The following HCN2 variants were observed in gnomAD, a reference collection of about 807,000 sequenced individuals.
HCN2 encodes the protein potassium/sodium hyperpolarization-activated cyclic nucleotide-gated channel 2.
Under a neutral mutation model 52.3 loss-of-function variants are expected in HCN2, and 20 were observed. That is an observed-to-expected ratio of 0.38 (90% confidence interval 0.27 to 0.56). The LOEUF is 0.56. Ranked by LOEUF, HCN2 falls within the 20% of genes least tolerant of loss-of-function variation. HCN2 has a pLI of 0.71. For missense variants in HCN2, 981 were observed against 1,207.7 expected (o/e 0.81, Z 2.78); for synonymous variants, 694 against 537.0 (o/e 1.29, Z -4.04).
chr19:607,817 G>A, intron 3 of HCN2, 147 bp from the exon 4 acceptor site: 1 of 624,046 alleles, frequency 1.6e-6, no homozygotes, highest in Non-Finnish European at 2.9e-6. Flanking sequence ...TCATCTACCT[G>A]GGTCTCCATT....
chr19:610,479 C>A, intron 5 of HCN2, 74 bp downstream of exon 5: 1 of 1,403,126 alleles, frequency 7.1e-7, no homozygotes, highest in Non-Finnish European at 1.0e-6. Flanking sequence ...AGCCCAGGAG[C>A]CGGTCCCTGA....
chr19:605,257 C>A (rs1983382718), intron 3 of HCN2, 35 bp downstream of exon 3: 4 of 1,599,780 alleles, frequency 2.5e-6, no homozygotes, highest in Non-Finnish European at 3.4e-6. Context: ...GGGGGAGACG[C>A]AGGCTCCCAT....
intron 1 of HCN2, among the ~76,000 whole-genome samples, chr19:600,050 C>T (rs181204285): frequency 1.5e-4 from 23 of 152,254 alleles, no homozygotes; most frequent in African/African-American, 5.3e-4. Context: ...AATCTTTGTG[C>T]TGGAAATTCA....
chr19:616,392 G>T lies in HCN2; in HGVS notation c.2588G>T (p.Arg863Leu). The change falls in exon 8 of 8, where the codon CGC (arginine) becomes CTC (leucine). Residue 863 changes from arginine to leucine, a missense_variant. Arg to Leu is a moderately radical substitution (Grantham distance 102). Transcript: ENST00000251287. ...AARAAAPSPD[R>L]RDSASPGAAG... ...CGGGCCGCCGCGCCCAGCCCGGACC[G>T]CAGGGACTCGGCCTCACCCGGCGCC... The T allele has an allele frequency of 8.1e-7, 1 of 1,238,758 alleles. No homozygotes were observed. The allele number at this position is 1,238,758 out of a possible 1,614,324, so 76.7% of individuals were successfully genotyped here.
rs1983297263 is a variant in HCN2 at position 603,729 on chromosome 19, C to T, written c.818C>T (p.Thr273Met). The change falls in exon 2 of 8, where the codon ACG becomes ATG. Residue 273 changes from threonine to methionine, a missense_variant. Coordinates refer to ENST00000251287, the MANE Select transcript of HCN2 (RefSeq NM_001194.4). ...ACCGGCATTGTGATCGAGGACAACA[C>T]GGAGATCATCCTGGACCCCGAGAAG... ...FRTGIVIEDN[T>M]EIILDPEKIK... The T allele has an allele frequency of 5.0e-6, 8 of 1,612,908 alleles. No homozygotes were observed. Among genetic ancestry groups the T allele is most frequent in the South Asian group, 3.3e-5 (3 of 91,066 alleles).
chr19:590,425 C>G lies in HCN2; in HGVS notation c.480C>G (p.Ala160=). ...GPAGEPRGSQ[A]SFMQRQFGAL... is the part of the protein sequence containing the mutation. ...CGGGGGAGCCGCGCGGCAGCCAGGC[C>G]AGCTTCATGCAGCGCCAGTTCGGCG... is the stretch of plus-strand genomic sequence containing the variant. The change falls in exon 1 of 8, where the codon GCC becomes GCG. Residue 160 remains alanine, a synonymous_variant. Coordinates refer to ENST00000251287, the MANE Select transcript of HCN2 (RefSeq NM_001194.4). This position sits in a 1 kb window ranked among gnomAD's most constrained non-coding sequence, Gnocchi z 7.2. The G allele has an allele frequency of 2.0e-6, 3 of 1,473,126 alleles. No individual in the cohort carries two copies. Among genetic ancestry groups the G allele is most frequent in the South Asian group, 1.3e-5 (1 of 76,914 alleles). 91.3% of individuals were successfully genotyped at this position (1,473,126 alleles called of 1,614,324 possible).
chr19:593,887 T>G, intron 1 of HCN2, among the ~76,000 whole-genome samples: 1 of 152,250 alleles, frequency 6.6e-6, no homozygotes, highest in South Asian at 2.1e-4. Flanking sequence ...TTTGGCCTTA[T>G]GCAACCCCCA....
intron 1 of HCN2, among the ~76,000 whole-genome samples, chr19:599,113 G>T (rs1014489014): frequency 3.3e-5 from 5 of 152,398 alleles, no homozygotes; most frequent in Non-Finnish European, 5.9e-5. Flanking sequence ...GATGTGAGTC[G>T]CTGGGTCCCT....
At chr19:612,537 C>T (rs1983685778) in intron 5 of HCN2, among the ~76,000 whole-genome samples, 2 of 151,892 alleles carry the variant, frequency 1.3e-5, no homozygotes, top group African/African-American at 4.8e-5. Flanking sequence ...CCTCAGCCTC[C>T]CGAGTAGCTG....
Position 616,246 on chromosome 19 carries a change from CCGCGCGT to C in HCN2, c.2448_2454del (p.Ser817HisfsTer108). On this transcript the variant is annotated frameshift_variant, in exon 8 of 8. Transcript: ENST00000251287. LOFTEE classifies it low-confidence loss of function (END_TRUNC). Reference sequence around the variant, plus strand: ...CCGCCCTGCCCGCGCGCCGCCTGAGCCGCGCGTCGCGCCCACTGTCCGCCTCGCAGCC... The same window carrying C: ...CCGCCCTGCCCGCGCGCCGCCTGAGCCGCGCCCACTGTCCGCCTCGCAGCC... 9.9e-7 allele frequency: 1 copy of C among 1,008,428 alleles called. No homozygotes were observed. The highest frequency in any genetic ancestry group is 1.2e-6 in the Non-Finnish European group (1 of 848,138). The allele number at this position is 1,008,428 out of a possible 1,614,324, so 62.5% of individuals were successfully genotyped here. A position where few individuals can be genotyped will look rare whatever the true frequency, so the allele number is the denominator to read the frequency against.
chr19:597,658 G>GGTTTCTAGGTCCCCCTTGACA (rs1452043426), intron 1 of HCN2, among the ~76,000 whole-genome samples: 1 of 149,412 alleles, frequency 6.7e-6, no homozygotes, highest in African/African-American at 2.5e-5. Flanking sequence ...TCTCCTTGGC[G>GGTTTCTAGGTCCCCCTTGACA]GTTTCTAGGT....
chr19:616,409 C>T lies in HCN2; in HGVS notation c.2605C>T (p.Pro869Ser), dbSNP rs751606466. 10 of 1,237,424 alleles carry T rather than the reference C, an allele frequency of 8.1e-6. No individual in the cohort carries two copies. The South Asian group carries it at 2.0e-4, about 25-fold the overall frequency. The allele number at this position is 1,237,424 out of a possible 1,614,324, so 76.7% of individuals were successfully genotyped here. Residue 869 changes from proline to serine, a missense_variant, in exon 8 of 8, where the codon CCC (proline) becomes TCC (serine). Pro to Ser is a moderately conservative substitution (Grantham distance 74). Around this residue, in one of 6 missense-constraint regions of HCN2, gnomAD observed 368 missense variants for 314.8 expected, o/e 1.17. Coordinates refer to ENST00000251287, the MANE Select transcript of HCN2 (RefSeq NM_001194.4). ...PSPDRRDSAS[P>S]GAAGGLDPQD... is the part of the protein sequence containing the mutation. ...CCCGGACCGCAGGGACTCGGCCTCA[C>T]CCGGCGCCGCCGGCGGCCTGGACCC...
At chr19:596,420 T>C (rs7257969) in intron 1 of HCN2, among the ~76,000 whole-genome samples, 104,792 of 152,084 alleles carry the variant, frequency 0.69, 37,583 homozygotes, top group African/African-American at 0.89. Context: ...GCCGGAAGGT[T>C]TCCCCAGGGA....
intron 5 of HCN2, among the ~76,000 whole-genome samples, chr19:611,444 CGAG>C (rs1568367395): frequency 1.3e-5 from 2 of 152,048 alleles, no homozygotes; most frequent in Non-Finnish European, 2.9e-5. Flanking sequence ...GCAGAGGCCC[CGAG>C]GAGGGGCTGG....
rs1983878313 is a variant in HCN2, at chr19:615,796, CAAG to C, written c.1998_2000del (p.Lys666del). 1.3e-5 allele frequency: 21 copies of C among 1,611,638 alleles called. No homozygotes were observed. The highest frequency in any genetic ancestry group is 1.9e-4 in the Middle Eastern group (1 of 5,138). On this transcript the variant is annotated inframe_deletion and splice_region_variant, in exon 8 of 8. Coordinates refer to ENST00000251287, the MANE Select transcript of HCN2 (RefSeq NM_001194.4). ...ACGCTAACGCCCCCTCTCCCGCAGG[CAAG>C]AAGAATTCCATCCTCCTGCACAAGG...
At position 613,890 on chromosome 19, in the gene HCN2, G is replaced by C; in HGVS notation, c.1864G>C (p.Val622Leu). The C allele has an allele frequency of 6.3e-6, 10 of 1,597,684 alleles. No homozygotes were observed. Among genetic ancestry groups the C allele is most frequent in the Non-Finnish European group, 7.7e-6 (9 of 1,172,342 alleles). ...CACCCGGGGCCGCCGCACGGCGAGC[G>C]TGCGGGCTGACACCTACTGCCGCCT... ...LLTRGRRTASVRADTYCRLYS... is the reference protein window; with the variant it reads ...LLTRGRRTASLRADTYCRLYS... Residue 622 changes from valine (V) to leucine (L), a missense_variant, in exon 7 of 8, where the codon GTG becomes CTG. Physicochemically the swap from Val to Leu is conservative, Grantham distance 32. This residue lies in a region of HCN2 where 85 missense variants were observed against 106.1 expected (regional missense o/e 0.80). Coordinates refer to ENST00000251287, the MANE Select transcript of HCN2 (RefSeq NM_001194.4).
intron 1 of HCN2, among the ~76,000 whole-genome samples, chr19:595,075 A>G (rs1445258399): frequency 6.6e-6 from 1 of 151,268 alleles, no homozygotes; most frequent in Admixed American, 6.6e-5. Context: ...GGTGGCGTGC[A>G]CCTGTAGTCC....
At position 616,199 on chromosome 19, in the gene HCN2, CCCGCCGCCCCCCTT is replaced by C; in HGVS notation, c.2396_2409del (p.Pro799ArgfsTer?). On this transcript the variant is annotated frameshift_variant, in exon 8 of 8. Transcript: ENST00000251287. LOFTEE classifies it low-confidence loss of function (END_TRUNC). ...GCGGACCTCGCCCTACGGCGGCCTGCCCGCCGCCCCCCTTGCTGGGCCCGCCCTGCCCGCGCGCC... is the reference window on the plus strand; with the variant it reads ...GCGGACCTCGCCCTACGGCGGCCTGCGCTGGGCCCGCCCTGCCCGCGCGCC... 1 of 982,852 alleles carries C rather than the reference CCCGCCGCCCCCCTT, an allele frequency of 1.0e-6. No individual in the cohort carries two copies. The highest frequency in any genetic ancestry group is 1.2e-6 in the Non-Finnish European group (1 of 828,916). 60.9% of individuals were successfully genotyped at this position (982,852 alleles called of 1,614,324 possible).
Position 592,354 on chromosome 19 carries a change from G to A in HCN2, c.632+1777G>A, listed in dbSNP as rs116317712. On this transcript the variant is annotated intron_variant, in intron 1 of 7. Transcript: ENST00000251287. This position sits in a 1 kb window ranked among gnomAD's most constrained non-coding sequence, Gnocchi z 4.8. ...AGCGACCCCCTGGCTGCAGAGGGGC[G>A]GTCGGTGGCCTGGGGGGCAGGTGGG... is the stretch of plus-strand genomic sequence containing the variant. Among the ~76,000 whole-genome samples, 114 of 152,352 alleles carry A rather than the reference G, an allele frequency of 7.5e-4. No individual in the cohort carries two copies. Among genetic ancestry groups the A allele is most frequent in the African/African-American group, 2.3e-3 (96 of 41,580 alleles).
Sources: gnomAD v4.1 joint callset for allele counts (sites outside exome capture counted in the v4.1 genomes callset) on GRCh38, gnomAD v4.1.1 for gene constraint, gnomAD v4.1.1 regional missense constraint, Gnocchi (gnomAD v3.1) non-coding constraint, MANE v1.5 for transcripts, NCBI Gene and HGNC (gene_info 2026-07-23, HGNC 2026-07-21) for gene names.